The following PPP2R5E variants were observed in gnomAD, a reference collection of about 807,000 sequenced individuals.
The protein encoded by PPP2R5E is protein phosphatase 2 regulatory subunit B'epsilon.
PPP2R5E carries 4 observed loss-of-function variants against 65.3 expected under a neutral mutation model. The observed-to-expected ratio is 0.06, with a 90% CI of 0.03 to 0.14. The LOEUF (loss-of-function observed/expected upper bound fraction) is 0.14, where lower values mean the gene tolerates loss of function less well. Ranked by LOEUF, PPP2R5E falls within the 10% of genes least tolerant of loss-of-function variation. The pLI is 1.00. For synonymous variants in PPP2R5E, 183 were observed against 187.4 expected, an observed-to-expected ratio of 0.98 and a Z score of 0.19; for missense variants, 274 against 556.1, an observed-to-expected ratio of 0.49 and a Z score of 5.10.
intron 2 of PPP2R5E, among the ~76,000 whole-genome samples, chr14:63,494,524 C>T (rs1159896121): frequency 1.3e-5 from 2 of 150,926 alleles, no homozygotes; most frequent in Non-Finnish European, 2.9e-5. Flanking sequence ...CGTGAGCCAC[C>T]GCGCCCGGCT....
chr14:63,418,148 C>T (rs1292449279), intron 4 of PPP2R5E, among the ~76,000 whole-genome samples: 1 of 152,170 alleles, frequency 6.6e-6, no homozygotes, highest in African/African-American at 2.4e-5. Context: ...ATGCCCAAGT[C>T]CTAAGACCTC....
intron 2 of PPP2R5E, among the ~76,000 whole-genome samples, chr14:63,474,766 C>T (rs1890322736): frequency 6.8e-6 from 1 of 147,376 alleles, no homozygotes; most frequent in Admixed American, 6.8e-5. Flanking sequence ...GAAATGTGGA[C>T]ACCAACAACA....
chr14:63,397,261 G>T (rs1158219187), intron 5 of PPP2R5E, among the ~76,000 whole-genome samples: 1 of 152,134 alleles, frequency 6.6e-6, no homozygotes, highest in Non-Finnish European at 1.5e-5. Flanking sequence ...CAGCACCTGG[G>T]GAGGCCAAGG....
chr14:63,449,933 T>C lies in PPP2R5E; in HGVS notation c.354+3756A>G, dbSNP rs1227664422. On this transcript the variant is annotated intron_variant, in intron 3 of 13. Coordinates refer to ENST00000337537, the MANE Select transcript of PPP2R5E (RefSeq NM_006246.5). ...TTCTGTCACCCAGGCAGGAGTACAG[T>C]GGCACAATCTCAGCTCACCGCAACC... Among the ~76,000 whole-genome samples, 5 of 144,128 alleles carry C rather than the reference T, an allele frequency of 3.5e-5. No homozygotes were observed. In the East Asian group the frequency reaches 1.0e-3, roughly 30 times the overall value. 94.6% of individuals were successfully genotyped at this position (144,128 alleles called of 152,430 possible). A position where few individuals can be genotyped will look rare whatever the true frequency, so the allele number is the denominator to read the frequency against.
chr14:63,440,052 T>C (rs1888140401), intron 3 of PPP2R5E, among the ~76,000 whole-genome samples: 1 of 152,034 alleles, frequency 6.6e-6, no homozygotes, highest in Admixed American at 6.5e-5. Context: ...GATGCACAGG[T>C]AAGGTATCGC....
At chr14:63,469,451 G>A (rs1161147323) in intron 2 of PPP2R5E, among the ~76,000 whole-genome samples, 3 of 152,176 alleles carry the variant, frequency 2.0e-5, no homozygotes. Context: ...CCAGCACTTT[G>A]GGAGGCCGAG....
At chr14:63,485,188 T>C (rs1890916079) in intron 2 of PPP2R5E, among the ~76,000 whole-genome samples, 1 of 142,506 alleles carries the variant, frequency 7.0e-6, no homozygotes, top group Non-Finnish European at 1.5e-5. Context: ...GCTACTGCTA[T>C]ACTCATTTAA....
chr14:63,502,391 C>T (rs1180937879), intron 2 of PPP2R5E, among the ~76,000 whole-genome samples: 1 of 152,120 alleles, frequency 6.6e-6, no homozygotes, highest in Non-Finnish European at 1.5e-5. Flanking sequence ...AAAACACTCC[C>T]ACTTGCCAGG....
chr14:63,392,072 T>C (rs1342011825), intron 8 of PPP2R5E, 47 bp from the exon 9 acceptor site: 1 of 1,460,664 alleles, frequency 6.8e-7, no homozygotes, highest in East Asian at 2.3e-5. Flanking sequence ...TTCTATACAG[T>C]AAGGGCTCAA....
chr14:63,540,124 G>A (rs1457427353), intron 1 of PPP2R5E, among the ~76,000 whole-genome samples: 1 of 118,718 alleles, frequency 8.4e-6, no homozygotes, highest in Non-Finnish European at 1.7e-5. Flanking sequence ...GTGAGATTCC[G>A]TCCTTTAAAA....
At chr14:63,470,462 T>TA (rs768569021) in intron 2 of PPP2R5E, among the ~76,000 whole-genome samples, 1,527 of 135,820 alleles carry the variant, frequency 0.011, 16 homozygotes, top group African/African-American at 0.022. Context: ...TCCATAAGTT[T>TA]AAAAAAAAAA....
rs947218292 is a variant in PPP2R5E, at chr14:63,373,634, A to G, written c.*2375T>C. On this transcript the variant is annotated 3_prime_UTR_variant, in exon 14 of 14. Coordinates refer to ENST00000337537, the MANE Select transcript of PPP2R5E (RefSeq NM_006246.5). ...CAGTTTGGAATGATCAACATACAAA[A>G]TTGACATCAAGGAGGAGAGCTGTAA... The G allele has an allele frequency of 7.2e-5, 11 of 152,222 alleles. No individual in the cohort carries two copies. Among genetic ancestry groups the G allele is most frequent in the African/African-American group, 2.7e-4 (11 of 41,430 alleles). The allele number at this position is 152,222 out of a possible 1,614,324, so 9.4% of individuals were successfully genotyped here. A position where few individuals can be genotyped will look rare whatever the true frequency, so the allele number is the denominator to read the frequency against.
intron 3 of PPP2R5E, among the ~76,000 whole-genome samples, chr14:63,438,237 C>G (rs1034953445): frequency 2.6e-5 from 4 of 152,298 alleles, no homozygotes; most frequent in Non-Finnish European, 4.4e-5. Context: ...CATCATGCAC[C>G]ACTGTGGTGT....
At chr14:63,508,078 A>T (rs1892295629) in intron 2 of PPP2R5E, 5 of 890,734 alleles carry the variant, frequency 5.6e-6, no homozygotes, top group Non-Finnish European at 5.4e-6. Flanking sequence ...AAGCCCATAA[A>T]CCCTCACTCC....
chr14:63,526,552 C>T (rs1287291790), intron 2 of PPP2R5E, among the ~76,000 whole-genome samples: 1 of 151,982 alleles, frequency 6.6e-6, no homozygotes, highest in Non-Finnish European at 1.5e-5. Flanking sequence ...CAATCTTTCT[C>T]TCTTTCTCTT....
At position 63,381,803 on chromosome 14, in the gene PPP2R5E, T is replaced by G. The variant is rs559586099; in HGVS notation, c.1304+253A>C. 5.9e-5 allele frequency among the ~76,000 whole-genome samples: 9 copies of G among 152,366 alleles called. No homozygotes were observed. In the South Asian group the frequency reaches 1.9e-3, roughly 32 times the overall value. ...GTAGCCTGGGAAGAACAGGCAATAC[T>G]ACATAGTTCAGGTGTGTCATAGTAG... is the stretch of plus-strand genomic sequence containing the variant. On this transcript the variant is annotated intron_variant, in intron 13 of 13. Coordinates refer to ENST00000337537, the MANE Select transcript of PPP2R5E (RefSeq NM_006246.5).
intron 2 of PPP2R5E, among the ~76,000 whole-genome samples, chr14:63,507,691 T>A (rs1306010022): frequency 6.7e-6 from 1 of 149,708 alleles, no homozygotes; most frequent in Non-Finnish European, 1.5e-5. Flanking sequence ...ACCATTCTCC[T>A]GCCTCAGCCT....
chr14:63,461,496 T>C (rs1435180062), intron 2 of PPP2R5E, among the ~76,000 whole-genome samples: 1 of 152,080 alleles, frequency 6.6e-6, no homozygotes. Flanking sequence ...CAATACTTCC[T>C]TTCAAAAGGA....
intron 2 of PPP2R5E, among the ~76,000 whole-genome samples, chr14:63,522,155 G>A (rs1435979956): frequency 4.0e-5 from 6 of 151,734 alleles, no homozygotes; most frequent in Non-Finnish European, 7.4e-5. Flanking sequence ...TGTGTTGGCC[G>A]GGCTGGTCTC....
Sources: gnomAD v4.1 joint callset for allele counts (sites outside exome capture counted in the v4.1 genomes callset) on GRCh38, gnomAD v4.1.1 for gene constraint, MANE v1.5 for transcripts, NCBI Gene and HGNC (gene_info 2026-07-23, HGNC 2026-07-21) for gene names.